ERBB4: variants seen among roughly 807,000 people sequenced by gnomAD.
ERBB4 encodes erb-b2 receptor tyrosine kinase 4.
ERBB4 carries 42 observed loss-of-function variants against 158.0 expected under a neutral mutation model. That is an observed-to-expected ratio of 0.27 (90% CI 0.21 to 0.34). The LOEUF is 0.34. Ranked by LOEUF, ERBB4 falls within the 10% of genes least tolerant of loss-of-function variation. The probability of loss-of-function intolerance (pLI) is 1.00; values close to 1 mark genes in which losing one functional copy is unlikely to be tolerated. For missense variants in ERBB4, 1,333 were observed against 1,624.1 expected (o/e 0.82, Z 3.08); for synonymous variants, 583 against 558.7 (o/e 1.04, Z -0.61).
intron 1 of ERBB4, among the ~76,000 whole-genome samples, chr2:212,220,249 T>C (rs2083251630): frequency 6.6e-6 from 1 of 151,474 alleles, no homozygotes; most frequent in Non-Finnish European, 1.5e-5. Flanking sequence ...GAATATGTAC[T>C]CATTAAATCA....
intron 3 of ERBB4, among the ~76,000 whole-genome samples, chr2:211,824,798 C>T (rs2077061615): frequency 1.3e-5 from 2 of 151,952 alleles, no homozygotes; most frequent in African/African-American, 2.4e-5. Context: ...TTCCTACTTT[C>T]AATGTTCTCT....
At chr2:211,832,891 A>T (rs561670481) in intron 3 of ERBB4, among the ~76,000 whole-genome samples, 31 of 150,016 alleles carry the variant, frequency 2.1e-4, no homozygotes, top group African/African-American at 7.3e-4. Flanking sequence ...TATATAGTTT[A>T]TATATATGTT....
At chr2:211,653,798 T>C (rs534026698) in intron 16 of ERBB4, among the ~76,000 whole-genome samples, 185 of 151,996 alleles carry the variant, frequency 1.2e-3, no homozygotes, top group African/African-American at 4.2e-3. Context: ...CCTCAGCCTC[T>C]TGAGTAGCTG....
At chr2:211,727,526 G>A (rs1175792233) in intron 5 of ERBB4, among the ~76,000 whole-genome samples, 1 of 151,520 alleles carries the variant, frequency 6.6e-6, no homozygotes, top group Non-Finnish European at 1.5e-5. Flanking sequence ...ATCTCCTCAG[G>A]GCTTAATATA....
At chr2:212,019,636 G>T (rs1253077151) in intron 2 of ERBB4, among the ~76,000 whole-genome samples, 1 of 151,502 alleles carries the variant, frequency 6.6e-6, no homozygotes, top group African/African-American at 2.4e-5. Flanking sequence ...GGTGGCGGGC[G>T]CCTGTAATCC....
At chr2:212,102,941 T>C (rs2079125533) in intron 2 of ERBB4, among the ~76,000 whole-genome samples, 1 of 152,152 alleles carries the variant, frequency 6.6e-6, no homozygotes, top group East Asian at 1.9e-4. Flanking sequence ...CTTAGACTGC[T>C]GCAATTAACT....
intron 1 of ERBB4, among the ~76,000 whole-genome samples, chr2:212,167,564 AT>A (rs1378273012): frequency 6.6e-6 from 1 of 152,190 alleles, no homozygotes; most frequent in African/African-American, 2.4e-5. Flanking sequence ...CAGAAATACC[AT>A]TTGACCCAGC....
At chr2:211,741,400 T>A (rs957205435) in intron 5 of ERBB4, among the ~76,000 whole-genome samples, 31 of 151,334 alleles carry the variant, frequency 2.0e-4, no homozygotes, top group Admixed American at 4.0e-4. Context: ...ACAGTTTCCA[T>A]TCTCTCAATC....
chr2:212,438,763 T>C (rs1286509452), intron 1 of ERBB4, among the ~76,000 whole-genome samples: 3 of 152,016 alleles, frequency 2.0e-5, no homozygotes, highest in Admixed American at 6.6e-5. Flanking sequence ...AAGATGGTGG[T>C]TTTGGAGAAG....
chr2:211,457,898 T>G (rs1368036634), intron 20 of ERBB4, among the ~76,000 whole-genome samples: 1 of 152,224 alleles, frequency 6.6e-6, no homozygotes, highest in Non-Finnish European at 1.5e-5. Flanking sequence ...GCTGGTCCAC[T>G]GTGGGTATCA....
intron 1 of ERBB4, among the ~76,000 whole-genome samples, chr2:212,292,232 A>G (rs2106183246): frequency 6.6e-6 from 1 of 152,158 alleles, no homozygotes; most frequent in East Asian, 1.9e-4. Flanking sequence ...TTTTTAAAGT[A>G]TAATTTTAAA....
At chr2:212,017,384 C>T (rs969097630) in intron 2 of ERBB4, among the ~76,000 whole-genome samples, 5 of 151,960 alleles carry the variant, frequency 3.3e-5, no homozygotes, top group African/African-American at 1.2e-4. Context: ...CATTTGTTGG[C>T]CACCAGACAG....
chr2:211,889,385 G>A (rs542353731), intron 3 of ERBB4, among the ~76,000 whole-genome samples: 9,785 of 125,710 alleles, frequency 0.078, 790 homozygotes, highest in African/African-American at 0.2. Context: ...CATCCACACC[G>A]AAAACCCATC....
intron 20 of ERBB4, among the ~76,000 whole-genome samples, chr2:211,473,074 C>G (rs1210319747): frequency 6.6e-6 from 1 of 151,640 alleles, no homozygotes; most frequent in East Asian, 1.9e-4. Flanking sequence ...ATGTGATTAC[C>G]TGAATGATCT....
At chr2:212,074,870 A>C (rs1436835318) in intron 2 of ERBB4, among the ~76,000 whole-genome samples, 1 of 152,082 alleles carries the variant, frequency 6.6e-6, no homozygotes, top group South Asian at 2.1e-4. Context: ...CCAGTGCCTT[A>C]GTCTCCTTTC....
chr2:212,357,385 T>C (rs1486456433), intron 1 of ERBB4, among the ~76,000 whole-genome samples: 1 of 151,924 alleles, frequency 6.6e-6, no homozygotes, highest in Non-Finnish European at 1.5e-5. Flanking sequence ...GCATGAATGC[T>C]GTGAGAATAC....
chr2:211,506,742 T>C (rs1003617032), intron 20 of ERBB4, among the ~76,000 whole-genome samples: 1 of 152,062 alleles, frequency 6.6e-6, no homozygotes, highest in Admixed American at 6.5e-5. Flanking sequence ...ACTTCTGAGA[T>C]GTAGCAAAAG....
chr2:212,320,488 C>A (rs141525649), intron 1 of ERBB4, among the ~76,000 whole-genome samples: 1 of 133,292 alleles, frequency 7.5e-6, no homozygotes, highest in Non-Finnish European at 1.7e-5. Context: ...ACTAACAGGA[C>A]TAAAGGAAAA....
chr2:211,966,181 T>G (rs1338913780), intron 2 of ERBB4, among the ~76,000 whole-genome samples: 1 of 152,082 alleles, frequency 6.6e-6, no homozygotes, highest in African/African-American at 2.4e-5. Context: ...GCCATTGCAC[T>G]CCAGCTTGGG....
Sources: allele counts gnomAD v4.1 joint callset (sites outside exome capture counted in the v4.1 genomes callset), GRCh38; gene constraint gnomAD v4.1.1; transcripts MANE v1.5; gene names NCBI Gene and HGNC (gene_info 2026-07-23, HGNC 2026-07-21).